SHB: variants seen among roughly 807,000 people sequenced by gnomAD.
The protein encoded by SHB is SH2 domain-containing adapter protein B.
Under a neutral mutation model 52.3 loss-of-function variants are expected in SHB, and 20 were observed. The ratio of observed to expected loss-of-function variants is 0.38; its 90% CI spans 0.27 to 0.56. The LOEUF (loss-of-function observed/expected upper bound fraction) is 0.56, where lower values mean the gene tolerates loss of function less well. SHB is among the 20% of genes least tolerant of loss of function. The pLI is 0.71. For missense variants in SHB, 825 were observed against 723.3 expected (o/e 1.14, Z -1.61); for synonymous variants, 397 against 316.5 (o/e 1.25, Z -2.70).
Position 38,052,230 on chromosome 9 carries a change from C to G in SHB, c.717+15699G>C, listed in dbSNP as rs76931121. On this transcript the variant is annotated intron_variant, in intron 1 of 5. Transcript: ENST00000377707. Reference sequence around the variant, plus strand: ...CCCTCCCCATCTCCTTAGTCCCCCACGTCTTTCCTCATGGATGGGCTGCTT... The same window carrying G: ...CCCTCCCCATCTCCTTAGTCCCCCAGGTCTTTCCTCATGGATGGGCTGCTT... Among the ~76,000 whole-genome samples the G allele has an allele frequency of 4.6e-3, 698 of 152,128 alleles. 7 individuals are homozygous for G. The highest frequency in any genetic ancestry group is 0.016 in the African/African-American group (663 of 41,472).
intron 1 of SHB, among the ~76,000 whole-genome samples, chr9:38,052,896 T>C (rs1821768907): frequency 6.6e-6 from 1 of 152,212 alleles, no homozygotes; most frequent in Non-Finnish European, 1.5e-5. Flanking sequence ...ATCCAGATCC[T>C]CCTTATGCAT....
intron 2 of SHB, among the ~76,000 whole-genome samples, chr9:38,014,286 C>T (rs766825722): frequency 1.1e-4 from 17 of 152,194 alleles, no homozygotes; most frequent in South Asian, 4.1e-4. Context: ...TCCTTTAAAC[C>T]GGAGCCAACG....
intron 3 of SHB, among the ~76,000 whole-genome samples, chr9:37,969,662 G>A (rs13297256): frequency 0.17 from 25,238 of 152,094 alleles, 2,269 homozygotes; most frequent in East Asian, 0.35. Context: ...TATCCACCCC[G>A]GCTCCTTGGT....
intron 3 of SHB, among the ~76,000 whole-genome samples, chr9:37,970,180 G>A (rs1820574699): frequency 6.6e-6 from 1 of 152,204 alleles, no homozygotes; most frequent in African/African-American, 2.4e-5. Context: ...GGGAGTGGGG[G>A]TCTGGTGAGG....
chr9:37,960,498 T>A (rs918692477), intron 3 of SHB, among the ~76,000 whole-genome samples: 19 of 152,294 alleles, frequency 1.2e-4, no homozygotes, highest in African/African-American at 4.6e-4. Context: ...GCTGTGCAGG[T>A]TGAGGCTCTG....
rs114347749 is a variant in SHB at position 37,941,975 on chromosome 9, C to T, written c.1346+6660G>A. ...GCCCCTAAACCTTTATTATTTCTTT[C>T]TCCTAGCTGTCAGCAGCAACAAACT... On this transcript the variant is annotated intron_variant, in intron 5 of 5. Transcript: ENST00000377707. 2.1e-3 allele frequency among the ~76,000 whole-genome samples: 315 copies of T among 152,328 alleles called. 1 individual carries two copies. The highest frequency in any genetic ancestry group is 7.2e-3 in the African/African-American group (301 of 41,568).
chr9:38,013,853 A>C (rs183210342), intron 2 of SHB, among the ~76,000 whole-genome samples: 13 of 152,176 alleles, frequency 8.5e-5, no homozygotes, highest in Admixed American at 5.2e-4. Flanking sequence ...CATGTTCTGC[A>C]CTCAGGGCAA....
intron 5 of SHB, among the ~76,000 whole-genome samples, chr9:37,930,786 A>G (rs1344733251): frequency 6.6e-6 from 1 of 152,238 alleles, no homozygotes; most frequent in African/African-American, 2.4e-5. Flanking sequence ...CTGAGTAACC[A>G]TAAAAGACCC....
intron 2 of SHB, among the ~76,000 whole-genome samples, chr9:37,981,231 T>C (rs546064714): frequency 6.6e-6 from 1 of 152,250 alleles, no homozygotes; most frequent in Admixed American, 6.5e-5. Context: ...TTGTTTTGCA[T>C]AGCCACCTTC....
chr9:37,971,885 T>A (rs1021711305), intron 3 of SHB, among the ~76,000 whole-genome samples: 3 of 152,062 alleles, frequency 2.0e-5, no homozygotes, highest in African/African-American at 7.2e-5. Context: ...GGCCTGAGAG[T>A]TTTCTTCAAA....
intron 2 of SHB, among the ~76,000 whole-genome samples, chr9:37,997,434 C>T (rs1314427412): frequency 2.0e-5 from 3 of 152,212 alleles, no homozygotes; most frequent in East Asian, 1.9e-4. Context: ...GGCCAAGCTC[C>T]AATTCCTTGG....
intron 5 of SHB, among the ~76,000 whole-genome samples, chr9:37,935,843 A>T (rs1242038887): frequency 2.6e-5 from 4 of 152,128 alleles, no homozygotes; most frequent in Non-Finnish European, 4.4e-5. Flanking sequence ...GAAGTTACAA[A>T]GAAAATCTCA....
intron 2 of SHB, among the ~76,000 whole-genome samples, chr9:37,990,720 G>C (rs1820871239): frequency 6.6e-6 from 1 of 152,142 alleles, no homozygotes; most frequent in Non-Finnish European, 1.5e-5. Context: ...TTTTGCTACA[G>C]AATGAAGGGA....
At chr9:37,934,252 T>TAACACTCATCTCTTGAGC (rs1443204240) in intron 5 of SHB, among the ~76,000 whole-genome samples, 2 of 152,152 alleles carry the variant, frequency 1.3e-5, no homozygotes, top group African/African-American at 2.4e-5. Context: ...TCAGGTATAG[T>TAACACTCATCTCTTGAGC]AACACTCATC....
intron 3 of SHB, among the ~76,000 whole-genome samples, chr9:37,965,346 T>C (rs2117942087): frequency 6.6e-6 from 1 of 152,324 alleles, no homozygotes; most frequent in East Asian, 1.9e-4. Flanking sequence ...AGGGACATGC[T>C]GTCCACTTCT....
At chr9:38,052,885 T>C (rs958063466) in intron 1 of SHB, among the ~76,000 whole-genome samples, 25 of 152,230 alleles carry the variant, frequency 1.6e-4, no homozygotes, top group African/African-American at 5.5e-4. Context: ...AATCTCTAAA[T>C]ATCCAGATCC....
At chr9:37,999,900 C>G (rs535466313) in intron 2 of SHB, among the ~76,000 whole-genome samples, 6 of 152,378 alleles carry the variant, frequency 3.9e-5, no homozygotes, top group East Asian at 1.9e-4. Context: ...GCTCATGACT[C>G]TCTCCACTAG....
At chr9:38,021,906 G>A (rs977278185) in intron 1 of SHB, among the ~76,000 whole-genome samples, 5 of 152,324 alleles carry the variant, frequency 3.3e-5, no homozygotes, top group African/African-American at 9.6e-5. Flanking sequence ...TAAGGCAAAG[G>A]AGAGAGTGTC....
intron 5 of SHB, among the ~76,000 whole-genome samples, chr9:37,944,342 A>G (rs1832468572): frequency 1.3e-5 from 2 of 152,240 alleles, no homozygotes; most frequent in South Asian, 4.1e-4. Flanking sequence ...AGCTGTCACC[A>G]TCTCTGTGGT....
Sources: gnomAD v4.1 joint callset for allele counts (sites outside exome capture counted in the v4.1 genomes callset) on GRCh38, gnomAD v4.1.1 for gene constraint, MANE v1.5 for transcripts, NCBI Gene and HGNC (gene_info 2026-07-23, HGNC 2026-07-21) for gene names.